PABPC4L: variants seen among roughly 807,000 people sequenced by gnomAD.
PABPC4L encodes the protein poly(A) binding protein cytoplasmic 4 like, also known as polyadenylate-binding protein 4-like.
For missense variants in PABPC4L, 452 were observed against 451.4 expected, an observed-to-expected ratio of 1.00 and a Z score of -0.01; for synonymous variants, 169 against 164.1, an observed-to-expected ratio of 1.03 and a Z score of -0.23.
chr4:134,146,043 G>A, the PABPC4L span, among the ~76,000 whole-genome samples: 2 of 151,868 alleles, frequency 1.3e-5, no homozygotes, highest in Non-Finnish European at 2.9e-5. Flanking sequence ...ATATATAGTT[G>A]TGGATTTGTT....
At chr4:133,976,285 C>T in the PABPC4L span, among the ~76,000 whole-genome samples, 10 of 152,086 alleles carry the variant, frequency 6.6e-5, no homozygotes, top group Non-Finnish European at 1.3e-4. Context: ...AGGGAATGTT[C>T]TCATTCTTTT....
At chr4:134,136,037 G>A in the PABPC4L span, among the ~76,000 whole-genome samples, 5 of 151,992 alleles carry the variant, frequency 3.3e-5, no homozygotes, top group Non-Finnish European at 5.9e-5. Context: ...GAGGATAAAA[G>A]GGAAATATCA....
chr4:134,182,312 CT>C, the PABPC4L span, among the ~76,000 whole-genome samples: 1 of 151,896 alleles, frequency 6.6e-6, no homozygotes, highest in South Asian at 2.1e-4. Context: ...ATACCACACA[CT>C]TACAACCATC....
At chr4:134,085,193 G>T in the PABPC4L span, among the ~76,000 whole-genome samples, 1 of 152,046 alleles carries the variant, frequency 6.6e-6, no homozygotes, top group South Asian at 2.1e-4. Context: ...GCTTGAAAGT[G>T]GGGTTTCCCA....
chr4:134,169,742 C>G, the PABPC4L span, among the ~76,000 whole-genome samples: 6 of 151,912 alleles, frequency 3.9e-5, no homozygotes, highest in African/African-American at 1.4e-4. Flanking sequence ...AGTGAAAGCT[C>G]TCTACATTTA....
At chr4:133,993,536 A>G in the PABPC4L span, among the ~76,000 whole-genome samples, 5 of 152,198 alleles carry the variant, frequency 3.3e-5, no homozygotes, top group African/African-American at 1.2e-4. Context: ...AAGTTTTCCA[A>G]ATTCAGGGAC....
At chr4:133,993,564 G>A in the PABPC4L span, among the ~76,000 whole-genome samples, 1 of 152,190 alleles carries the variant, frequency 6.6e-6, no homozygotes, top group African/African-American at 2.4e-5. Context: ...ACATCTGTTT[G>A]CCATAACTGA....
the PABPC4L span, among the ~76,000 whole-genome samples, chr4:134,171,080 TA>T: frequency 1.3e-5 from 2 of 152,136 alleles, no homozygotes; most frequent in Admixed American, 1.3e-4. Context: ...TTTGCATTTC[TA>T]CTAATGATTA....
the PABPC4L span, among the ~76,000 whole-genome samples, chr4:134,102,572 C>G: frequency 6.6e-6 from 1 of 151,520 alleles, no homozygotes; most frequent in Non-Finnish European, 1.5e-5. Flanking sequence ...ATTTTCCACT[C>G]TGGGCATCAC....
chr4:134,153,277 T>C, the PABPC4L span, among the ~76,000 whole-genome samples: 1 of 152,134 alleles, frequency 6.6e-6, no homozygotes, highest in South Asian at 2.1e-4. Flanking sequence ...TCTTTCTGCC[T>C]TCATAGTGTT....
the PABPC4L span, among the ~76,000 whole-genome samples, chr4:134,035,136 GGCTCAGATGATCTTTAGCATTTTTA>G: frequency 6.6e-6 from 1 of 152,008 alleles, no homozygotes; most frequent in Non-Finnish European, 1.5e-5. Context: ...ACTCTCTAAA[GGCTCAGATGATCTTTAGCATTTTTA>G]GCAGTGTTTT....
chr4:134,019,291 CAATT>C, the PABPC4L span, among the ~76,000 whole-genome samples: 11 of 152,048 alleles, frequency 7.2e-5, no homozygotes, highest in Admixed American at 7.2e-4. Context: ...TAAGCAGTAT[CAATT>C]AATTGACAAC....
chr4:134,170,452 G>T, the PABPC4L span, among the ~76,000 whole-genome samples: 1 of 152,032 alleles, frequency 6.6e-6, no homozygotes, highest in Non-Finnish European at 1.5e-5. Context: ...AATTTATAAA[G>T]AAAATAGGTT....
At chr4:134,037,355 T>C in the PABPC4L span, among the ~76,000 whole-genome samples, 1 of 152,120 alleles carries the variant, frequency 6.6e-6, no homozygotes, top group African/African-American at 2.4e-5. Context: ...GTAGAGATCT[T>C]CCAGGTCTTT....
At chr4:133,995,155 T>G in the PABPC4L span, among the ~76,000 whole-genome samples, 1 of 152,162 alleles carries the variant, frequency 6.6e-6, no homozygotes, top group Non-Finnish European at 1.5e-5. Context: ...GGGTTGCCGT[T>G]TTTATCAAAT....
chr4:134,075,496 T>C, the PABPC4L span, among the ~76,000 whole-genome samples: 1 of 152,196 alleles, frequency 6.6e-6, no homozygotes, highest in Non-Finnish European at 1.5e-5. Flanking sequence ...TTCTTACTTA[T>C]TGAGTAATGA....
chr4:134,162,572 A>G, the PABPC4L span, among the ~76,000 whole-genome samples: 1 of 152,154 alleles, frequency 6.6e-6, no homozygotes, highest in Non-Finnish European at 1.5e-5. Context: ...CACTCTTCTC[A>G]TCAGCACATG....
chr4:134,065,798 G>C, the PABPC4L span, among the ~76,000 whole-genome samples: 1 of 152,034 alleles, frequency 6.6e-6, no homozygotes, highest in African/African-American at 2.4e-5. Flanking sequence ...TTTTGTATAT[G>C]GTGTAAGGAA....
the PABPC4L span, among the ~76,000 whole-genome samples, chr4:133,951,010 G>A: frequency 3.3e-5 from 5 of 152,172 alleles, no homozygotes; most frequent in African/African-American, 1.2e-4. Flanking sequence ...TTAGGGACTG[G>A]TTAAGAGCAT....
Sources: gnomAD v4.1 joint callset for allele counts (sites outside exome capture counted in the v4.1 genomes callset) on GRCh38, gnomAD v4.1.1 for gene constraint, MANE v1.5 for transcripts, NCBI Gene and HGNC (gene_info 2026-07-23, HGNC 2026-07-21) for gene names.